RNF220: variants seen among roughly 807,000 people sequenced by gnomAD.
RNF220 encodes the protein ring finger protein 220, also known as E3 ubiquitin-protein ligase RNF220.
Under a neutral mutation model 67.1 loss-of-function variants are expected in RNF220, and 7 were observed. The ratio of observed to expected loss-of-function variants is 0.10; its 90% CI spans 0.06 to 0.20. The LOEUF is 0.20. Among genes scored for constraint, RNF220 ranks in the 10% least tolerant of loss-of-function variants. The pLI is 1.00. For synonymous variants in RNF220, 270 were observed against 283.2 expected (o/e 0.95, Z 0.47); for missense variants, 565 against 740.3 (o/e 0.76, Z 2.75).
intron 2 of RNF220, among the ~76,000 whole-genome samples, chr1:44,597,467 TGCACACACACAC>T (rs1258055292): frequency 4.2e-5 from 2 of 47,576 alleles, no homozygotes; most frequent in Non-Finnish European, 4.3e-5. Flanking sequence ...CTCTCTCTCA[TGCACACACACAC>T]ACACACACAC....
chr1:44,589,547 G>A (rs1386262008), intron 2 of RNF220, among the ~76,000 whole-genome samples: 1 of 141,334 alleles, frequency 7.1e-6, no homozygotes. Context: ...CCAGGAGGAG[G>A]AGCTTGCAGT....
chr1:44,606,908 T>C lies in RNF220; in HGVS notation c.626-7257T>C, dbSNP rs1013529248. Among the ~76,000 whole-genome samples, 78 of 152,212 alleles carry C rather than the reference T, an allele frequency of 5.1e-4. No homozygotes were observed. Among genetic ancestry groups the C allele is most frequent in the African/African-American group, 1.9e-3 (77 of 41,454 alleles). On this transcript the variant is annotated intron_variant, in intron 2 of 14. Transcript: ENST00000361799. This position sits in a 1 kb window ranked among gnomAD's most constrained non-coding sequence, Gnocchi z 4.2. ...CACATAGAGTGCCTACTCAGCATTT[T>C]CACATGAATGTCTAATAGTTCCTCA... is the stretch of plus-strand genomic sequence containing the variant.
intron 2 of RNF220, among the ~76,000 whole-genome samples, chr1:44,424,535 G>A (rs1649551803): frequency 1.3e-5 from 2 of 152,178 alleles, no homozygotes; most frequent in African/African-American, 4.8e-5. Flanking sequence ...TTGCAGAAAG[G>A]GGAGTGAGGA....
intron 2 of RNF220, among the ~76,000 whole-genome samples, chr1:44,594,549 C>A (rs1162689727): frequency 1.3e-5 from 2 of 152,190 alleles, no homozygotes; most frequent in Non-Finnish European, 2.9e-5. Flanking sequence ...TGGAGCAATG[C>A]CTGAGCTCCC....
intron 2 of RNF220, among the ~76,000 whole-genome samples, chr1:44,608,272 G>T (rs1667425131): frequency 6.6e-6 from 1 of 152,126 alleles, no homozygotes; most frequent in East Asian, 1.9e-4. Context: ...ATCGTTTCAT[G>T]TTTCTATCCA....
At chr1:44,566,227 T>A (rs1339266047) in intron 2 of RNF220, among the ~76,000 whole-genome samples, 1 of 152,166 alleles carries the variant, frequency 6.6e-6, no homozygotes, top group South Asian at 2.1e-4. Flanking sequence ...AGCCCCTAAC[T>A]GGATTAGCAT....
intron 2 of RNF220, among the ~76,000 whole-genome samples, chr1:44,468,916 C>CAA (rs5773833): frequency 0.16 from 23,238 of 146,950 alleles, 2,366 homozygotes; most frequent in Middle Eastern, 0.24. Context: ...GACTCTGTCT[C>CAA]AAAAAAAAAA....
chr1:44,572,670 T>C (rs950086305), intron 2 of RNF220, among the ~76,000 whole-genome samples: 1 of 151,794 alleles, frequency 6.6e-6, no homozygotes, highest in African/African-American at 2.4e-5. Flanking sequence ...CCCAGGCAGG[T>C]CTTCTCTGGC....
At chr1:44,536,606 A>C (rs1251151459) in intron 2 of RNF220, among the ~76,000 whole-genome samples, 1 of 152,122 alleles carries the variant, frequency 6.6e-6, no homozygotes, top group Non-Finnish European at 1.5e-5. Context: ...GGAAGGACGG[A>C]TCTCTTTGCT....
chr1:44,583,267 T>C (rs1245800037), intron 2 of RNF220, among the ~76,000 whole-genome samples: 1 of 152,022 alleles, frequency 6.6e-6, no homozygotes, highest in African/African-American at 2.4e-5. Flanking sequence ...GTGAGAAACA[T>C]TTATTGAGGC....
intron 2 of RNF220, among the ~76,000 whole-genome samples, chr1:44,541,284 C>A (rs1661650405): frequency 2.0e-5 from 3 of 152,082 alleles, no homozygotes; most frequent in Non-Finnish European, 4.4e-5. Context: ...GAAAATTAGC[C>A]AGGTGTGGTG....
chr1:44,644,959 C>G, intron 9 of RNF220, 36 bp from the exon 10 acceptor site: 1 of 1,609,600 alleles, frequency 6.2e-7, no homozygotes, highest in Non-Finnish European at 8.5e-7. Flanking sequence ...TAGCCTGCTG[C>G]AAACTAGGAT....
chr1:44,649,483 G>A lies in RNF220; in HGVS notation c.1446-178G>A. On this transcript the variant is annotated intron_variant, in intron 12 of 14. Transcript: ENST00000361799. The surrounding 1 kb of genome is among the most constrained non-coding windows in gnomAD (Gnocchi z 5.9). ...GAATGGGAATGGAGGAATAGAGAGG[G>A]TGAGGAGTTTAGTTCTGGAATGTGG... 1.6e-6 allele frequency: 1 copy of A among 619,588 alleles called. No homozygotes were observed. The highest frequency in any genetic ancestry group is 3.8e-4 in the Middle Eastern group (1 of 2,626). 38.4% of individuals were successfully genotyped at this position (619,588 alleles called of 1,614,324 possible).
At chr1:44,481,393 T>G (rs1481916026) in intron 2 of RNF220, among the ~76,000 whole-genome samples, 2 of 152,124 alleles carry the variant, frequency 1.3e-5, no homozygotes, top group African/African-American at 4.8e-5. Flanking sequence ...CCTGCTGCAC[T>G]CCATCCTGGG....
chr1:44,443,146 A>C (rs1651734697), intron 2 of RNF220, among the ~76,000 whole-genome samples: 1 of 152,182 alleles, frequency 6.6e-6, no homozygotes. Context: ...CTAGACTTTT[A>C]TTCTTGGATG....
intron 2 of RNF220, among the ~76,000 whole-genome samples, chr1:44,503,918 C>T (rs6664038): frequency 0.047 from 7,156 of 152,082 alleles, 233 homozygotes; most frequent in South Asian, 0.1. Context: ...GGCACAGTCT[C>T]GGCTCACTAC....
At chr1:44,420,907 C>G (rs551637705) in intron 2 of RNF220, among the ~76,000 whole-genome samples, 28 of 152,314 alleles carry the variant, frequency 1.8e-4, no homozygotes, top group Admixed American at 3.3e-4. Flanking sequence ...GTGGTAAAAC[C>G]TTCCTTGTTA....
intron 2 of RNF220, among the ~76,000 whole-genome samples, chr1:44,415,165 C>T (rs183695644): frequency 6.6e-6 from 1 of 151,412 alleles, no homozygotes; most frequent in African/African-American, 2.4e-5. Flanking sequence ...TCTGCAGCAG[C>T]TTTCTTGGCT....
chr1:44,410,935 T>C (rs1447444456), intron 1 of RNF220, among the ~76,000 whole-genome samples: 1 of 152,228 alleles, frequency 6.6e-6, no homozygotes, highest in African/African-American at 2.4e-5. Flanking sequence ...TATGAAAATG[T>C]ACAACCTAAA....
Sources: gnomAD v4.1 joint callset for allele counts (sites outside exome capture counted in the v4.1 genomes callset) on GRCh38, gnomAD v4.1.1 for gene constraint, Gnocchi (gnomAD v3.1) non-coding constraint, MANE v1.5 for transcripts, NCBI Gene and HGNC (gene_info 2026-07-23, HGNC 2026-07-21) for gene names.